PCDHGA2: variants seen among roughly 807,000 people sequenced by gnomAD.
The protein encoded by PCDHGA2 is protocadherin gamma subfamily A, 2.
In PCDHGA2, 40 loss-of-function variants were observed where a neutral mutation model predicts 59.2. The ratio of observed to expected loss-of-function variants is 0.68; its 90% CI spans 0.52 to 0.88. The LOEUF (loss-of-function observed/expected upper bound fraction) is 0.88. Ranked by LOEUF, PCDHGA2 falls within the 40% of genes least tolerant of loss-of-function variation. PCDHGA2 has a pLI of 0.00. For missense variants in PCDHGA2, 1,226 were observed against 1,204.0 expected, an observed-to-expected ratio of 1.02 and a Z score of -0.27; for synonymous variants, 560 against 526.0, an observed-to-expected ratio of 1.06 and a Z score of -0.89.
intron 2 of PCDHGA2, among the ~76,000 whole-genome samples, chr5:141,495,968 CTGTTACTCTTTCTT>C (rs1033811907): frequency 6.6e-6 from 1 of 152,126 alleles, no homozygotes; most frequent in African/African-American, 2.4e-5. Context: ...GCCTCTTTCT[CTGTTACTCTTTCTT>C]TATCTCTCTT....
intron 1 of PCDHGA2, chr5:141,370,958 CA>C (rs1167381959): frequency 6.2e-7 from 1 of 1,613,874 alleles, no homozygotes. Context: ...ACCTGGATGG[CA>C]GTAGGTACCC....
At position 141,432,001 on chromosome 5, in the gene PCDHGA2, G is replaced by T. The variant is rs755338230; in HGVS notation, c.2425-62806G>T. On this transcript the variant is annotated intron_variant, in intron 1 of 3. Coordinates refer to ENST00000394576, the MANE Select transcript of PCDHGA2 (RefSeq NM_018915.4). This position sits in a 1 kb window ranked among gnomAD's most constrained non-coding sequence, Gnocchi z 6.0. Reference sequence around the variant, plus strand: ...CAGACATAGTCTTGGATAGGGAACAGGTTCCTAGCTACAACATCACAGTGA... The same window carrying T: ...CAGACATAGTCTTGGATAGGGAACATGTTCCTAGCTACAACATCACAGTGA... 4 of 1,614,220 alleles carry T rather than the reference G, an allele frequency of 2.5e-6. No homozygotes were observed. In the East Asian group the frequency reaches 8.9e-5, roughly 36 times the overall value.
chr5:141,511,374 CA>C lies in PCDHGA2; in HGVS notation c.*202del. ...CCCCAGGGGGTTGAATATGCAAAAG[CA>C]GTTCCGCTGGGAACCCCCATCCAAT... On this transcript the variant is annotated 3_prime_UTR_variant, in exon 4 of 4. Coordinates refer to ENST00000394576, the MANE Select transcript of PCDHGA2 (RefSeq NM_018915.4). The C allele has an allele frequency of 8.0e-7, 1 of 1,242,392 alleles. No individual in the cohort carries two copies. 77.0% of individuals were successfully genotyped at this position (1,242,392 alleles called of 1,614,324 possible).
chr5:141,469,974 T>C (rs1456176152), intron 1 of PCDHGA2, among the ~76,000 whole-genome samples: 1 of 151,864 alleles, frequency 6.6e-6, no homozygotes, highest in African/African-American at 2.4e-5. Context: ...GTACCAAAAA[T>C]ACAAAAATTA....
At chr5:141,362,101 G>A in intron 1 of PCDHGA2, 1 of 1,613,846 alleles carries the variant, frequency 6.2e-7, no homozygotes, top group East Asian at 2.2e-5. Flanking sequence ...GCCACTCTCC[G>A]CTACGGCCAC....
At chr5:141,407,898 A>G in intron 1 of PCDHGA2, 1 of 407,470 alleles carries the variant, frequency 2.5e-6, no homozygotes, top group Non-Finnish European at 4.3e-6. Context: ...CGAATTCAAA[A>G]TGAAAAACCG....
At chr5:141,398,698 T>C (rs2093690457) in intron 1 of PCDHGA2, 2 of 1,613,680 alleles carry the variant, frequency 1.2e-6, no homozygotes, top group Admixed American at 1.7e-5. Flanking sequence ...TGGTAGTAAA[T>C]ACCCGGAACT....
chr5:141,376,095 T>A, intron 1 of PCDHGA2: 10 of 1,613,628 alleles, frequency 6.2e-6, no homozygotes, highest in Non-Finnish European at 8.5e-6. Flanking sequence ...ATCCCCGACA[T>A]CCTGGCCGAC....
chr5:141,442,153 C>T, intron 1 of PCDHGA2: 1 of 158,698 alleles, frequency 6.3e-6, no homozygotes, highest in Non-Finnish European at 1.4e-5. Flanking sequence ...CAGACCTCAG[C>T]GATCACTCTG....
intron 1 of PCDHGA2, chr5:141,419,669 C>T: frequency 6.2e-7 from 1 of 1,612,840 alleles, no homozygotes; most frequent in Non-Finnish European, 8.5e-7. Context: ...CAATGCCTGG[C>T]TGTCCTACCA....
At chr5:141,401,838 T>C in intron 1 of PCDHGA2, among the ~76,000 whole-genome samples, 1 of 152,232 alleles carries the variant, frequency 6.6e-6, no homozygotes, top group East Asian at 1.9e-4. Context: ...TTTCTTATAA[T>C]ACCACTTACT....
intron 1 of PCDHGA2, chr5:141,344,068 G>T: frequency 6.2e-7 from 1 of 1,600,522 alleles, no homozygotes; most frequent in Non-Finnish European, 8.5e-7. Context: ...AATGGCAGAG[G>T]ACTGGCCCTG....
Position 141,490,637 on chromosome 5 carries a change from A to C in PCDHGA2, c.2425-4170A>C. ...CTTTACACTGCTTACATCCTAGAAA[A>C]CCGGCCTCCGGGCTCCCTTCTTTGC... is the stretch of plus-strand genomic sequence containing the variant. On this transcript the variant is annotated intron_variant, in intron 1 of 3. Coordinates refer to ENST00000394576, the MANE Select transcript of PCDHGA2 (RefSeq NM_018915.4). This position sits in a 1 kb window ranked among gnomAD's most constrained non-coding sequence, Gnocchi z 5.4. 1 of 1,614,108 alleles carries C rather than the reference A, an allele frequency of 6.2e-7. No individual in the cohort carries two copies. Among genetic ancestry groups the C allele is most frequent in the Non-Finnish European group, 8.5e-7 (1 of 1,179,992 alleles).
Position 141,511,348 on chromosome 5 carries a change from C to T in PCDHGA2, c.*175C>T. Reference sequence around the variant, plus strand: ...TGCCCAGTCAGCACCTACCCCTTCCCCCCCAGGGGGTTGAATATGCAAAAG... The same window carrying T: ...TGCCCAGTCAGCACCTACCCCTTCCTCCCCAGGGGGTTGAATATGCAAAAG... On this transcript the variant is annotated 3_prime_UTR_variant, in exon 4 of 4. Transcript: ENST00000394576. The T allele has an allele frequency of 7.1e-7, 1 of 1,404,104 alleles. No homozygotes were observed. The highest frequency in any genetic ancestry group is 9.5e-7 in the Non-Finnish European group (1 of 1,056,554). 87.0% of individuals were successfully genotyped at this position (1,404,104 alleles called of 1,614,324 possible). A position where few individuals can be genotyped will look rare whatever the true frequency, so the allele number is the denominator to read the frequency against.
chr5:141,434,026 A>G (rs2154556044), intron 1 of PCDHGA2, among the ~76,000 whole-genome samples: 1 of 152,236 alleles, frequency 6.6e-6, no homozygotes, highest in Admixed American at 6.5e-5. Flanking sequence ...TGATTCTGGA[A>G]GCATGGTTTT....
chr5:141,430,433 T>C (rs1371764261), intron 1 of PCDHGA2, among the ~76,000 whole-genome samples: 2 of 151,080 alleles, frequency 1.3e-5, no homozygotes, highest in Admixed American at 6.6e-5. Context: ...ATACGGTAGA[T>C]TTCCATCCCC....
intron 1 of PCDHGA2, chr5:141,344,018 A>T (rs1757350720): frequency 1.3e-6 from 2 of 1,518,764 alleles, no homozygotes; most frequent in South Asian, 2.7e-5. Flanking sequence ...AGAGAAAGCG[A>T]TTCACCGAAA....
At chr5:141,451,154 TTTTTGGTAGTATA>T (rs2098709149) in intron 1 of PCDHGA2, among the ~76,000 whole-genome samples, 1 of 152,152 alleles carries the variant, frequency 6.6e-6, no homozygotes, top group Non-Finnish European at 1.5e-5. Flanking sequence ...ACTAGACATT[TTTTTGGTAGTATA>T]TTATTTAGCC....
chr5:141,380,318 T>G (rs751911275), intron 1 of PCDHGA2, among the ~76,000 whole-genome samples: 1 of 151,992 alleles, frequency 6.6e-6, no homozygotes, highest in Non-Finnish European at 1.5e-5. Context: ...AGAATGAAAA[T>G]CTAAATGGAA....
Sources: gnomAD v4.1 joint callset for allele counts (sites outside exome capture counted in the v4.1 genomes callset) on GRCh38, gnomAD v4.1.1 for gene constraint, Gnocchi (gnomAD v3.1) non-coding constraint, MANE v1.5 for transcripts, NCBI Gene and HGNC (gene_info 2026-07-23, HGNC 2026-07-21) for gene names.